Variants in CSMD1 observed in about 807,000 individuals in gnomAD.
The protein encoded by CSMD1 is CUB and Sushi multiple domains 1, also known as CUB and sushi domain-containing protein 1.
CSMD1 carries 213 observed loss-of-function variants against 417.5 expected under a neutral mutation model. That is an observed-to-expected ratio of 0.51 (90% CI 0.46 to 0.57). The LOEUF is 0.57. Ranked by LOEUF, CSMD1 falls within the 20% of genes least tolerant of loss-of-function variation. The pLI is 0.00. For synonymous variants in CSMD1, 2,862 were observed against 1,736.8 expected (o/e 1.65, Z -16.11); for missense variants, 6,923 against 4,529.7 (o/e 1.53, Z -15.17).
chr8:4,782,443 C>A (rs1480805736), intron 1 of CSMD1, among the ~76,000 whole-genome samples: 2 of 152,090 alleles, frequency 1.3e-5, no homozygotes, highest in African/African-American at 4.8e-5. Context: ...ATTTTCATTA[C>A]ATATAGAATT....
intron 3 of CSMD1, among the ~76,000 whole-genome samples, chr8:4,102,779 G>A (rs1388190480): frequency 2.6e-5 from 4 of 152,182 alleles, no homozygotes; most frequent in Non-Finnish European, 4.4e-5. Flanking sequence ...GACAACAAAA[G>A]GAAGATGATT....
At chr8:4,902,973 AC>A (rs1804983181) in intron 1 of CSMD1, among the ~76,000 whole-genome samples, 7 of 42,300 alleles carry the variant, frequency 1.7e-4, no homozygotes, top group South Asian at 9.6e-4. Flanking sequence ...TGAATACTAA[AC>A]TAAATAATAA....
At position 4,520,688 on chromosome 8, in the gene CSMD1, G is replaced by C. The variant is rs73660892; in HGVS notation, c.303-100623C>G. 2.7e-3 allele frequency among the ~76,000 whole-genome samples: 409 copies of C among 152,196 alleles called. 3 individuals are homozygous for C. Among genetic ancestry groups the C allele is most frequent in the African/African-American group, 9.4e-3 (391 of 41,538 alleles). The stretch of plus-strand genomic sequence containing the variant: ...TGAACAGACTTGTTCTGAAAGTCTT[G>C]TTTGTATGTGAAAGTCAGAATCCTG... On this transcript the variant is annotated intron_variant, in intron 2 of 69. Coordinates refer to ENST00000635120, the MANE Select transcript of CSMD1 (RefSeq NM_033225.6).
intron 7 of CSMD1, among the ~76,000 whole-genome samples, chr8:3,637,057 A>T (rs987685338): frequency 1.3e-5 from 2 of 152,182 alleles, no homozygotes; most frequent in Admixed American, 1.3e-4. Flanking sequence ...CCTCGCCAGA[A>T]TCAGGATCCT....
At chr8:4,283,997 C>T (rs1457090317) in intron 3 of CSMD1, among the ~76,000 whole-genome samples, 1 of 152,120 alleles carries the variant, frequency 6.6e-6, no homozygotes, top group Non-Finnish European at 1.5e-5. Flanking sequence ...CTTTGGGAGG[C>T]CGAGGAAGGT....
chr8:4,733,274 A>G (rs1219576095), intron 1 of CSMD1, among the ~76,000 whole-genome samples: 1 of 152,248 alleles, frequency 6.6e-6, no homozygotes, highest in Non-Finnish European at 1.5e-5. Context: ...AACAATATGC[A>G]GAAGGAAAAA....
At chr8:3,853,059 C>T (rs531130679) in intron 5 of CSMD1, among the ~76,000 whole-genome samples, 13 of 152,244 alleles carry the variant, frequency 8.5e-5, no homozygotes, top group Admixed American at 1.3e-4. Context: ...AGTCGAGCAA[C>T]CCACGTCACT....
At chr8:3,081,149 G>C (rs1036223020) in intron 49 of CSMD1, among the ~76,000 whole-genome samples, 1 of 152,192 alleles carries the variant, frequency 6.6e-6, no homozygotes, top group African/African-American at 2.4e-5. Context: ...GGTAGCTGGA[G>C]GGCCTAAAAG....
intron 2 of CSMD1, among the ~76,000 whole-genome samples, chr8:4,619,409 T>A (rs776063544): frequency 2.6e-4 from 39 of 152,292 alleles, no homozygotes; most frequent in Non-Finnish European, 4.1e-4. Flanking sequence ...CATGAAATAA[T>A]TAATTTAGTC....
intron 2 of CSMD1, among the ~76,000 whole-genome samples, chr8:4,461,845 A>G (rs1281112408): frequency 6.8e-6 from 1 of 148,008 alleles, no homozygotes; most frequent in Non-Finnish European, 1.5e-5. Flanking sequence ...GGTTCCCGCC[A>G]TTCTCCTGCC....
chr8:3,625,450 C>T (rs1051194676), intron 7 of CSMD1, among the ~76,000 whole-genome samples: 1 of 152,062 alleles, frequency 6.6e-6, no homozygotes, highest in Non-Finnish European at 1.5e-5. Flanking sequence ...CCACTACATA[C>T]CTTCATGTGC....
chr8:3,875,031 C>T lies in CSMD1; in HGVS notation c.819-120989G>A, dbSNP rs1176454473. Reference sequence around the variant, plus strand: ...AGAAGAATGGATGCAAGCACAAAGGCTGGCATGAGCTGGGGCGGCTGAAAG... The same window carrying T: ...AGAAGAATGGATGCAAGCACAAAGGTTGGCATGAGCTGGGGCGGCTGAAAG... On this transcript the variant is annotated intron_variant, in intron 5 of 69. Transcript: ENST00000635120. 3.9e-5 allele frequency among the ~76,000 whole-genome samples: 6 copies of T among 152,084 alleles called. No homozygotes were observed. The East Asian group carries it at 9.7e-4, about 25-fold the overall frequency.
chr8:4,157,025 G>C (rs1424723603), intron 3 of CSMD1, among the ~76,000 whole-genome samples: 1 of 152,142 alleles, frequency 6.6e-6, no homozygotes, highest in African/African-American at 2.4e-5. Flanking sequence ...CAGGCATTGA[G>C]GGGCATGTTA....
chr8:4,165,214 C>T (rs1042889298), intron 3 of CSMD1, among the ~76,000 whole-genome samples: 1 of 152,254 alleles, frequency 6.6e-6, no homozygotes, highest in Admixed American at 6.5e-5. Context: ...AGCTACACAC[C>T]CTCCAGGTGT....
intron 26 of CSMD1, among the ~76,000 whole-genome samples, chr8:3,234,896 A>G (rs1479948765): frequency 6.6e-6 from 1 of 152,236 alleles, no homozygotes; most frequent in Non-Finnish European, 1.5e-5. Flanking sequence ...TATAGAATCT[A>G]TGATCAACTG....
rs115127477 is a variant in CSMD1, at chr8:4,282,826, C to G, written c.415+137127G>C. On this transcript the variant is annotated intron_variant, in intron 3 of 69. Transcript: ENST00000635120. The stretch of plus-strand genomic sequence containing the variant: ...GGAGTCGGGTATATATCAGATTCAA[C>G]AAGCATCATTCAGAATCTGACAAAC... Among the ~76,000 whole-genome samples, 1,454 of 152,228 alleles carry G rather than the reference C, an allele frequency of 9.6e-3. 25 individuals carry two copies. The highest frequency in any genetic ancestry group is 0.033 in the African/African-American group (1,370 of 41,544).
At chr8:3,773,101 G>T (rs982920091) in intron 5 of CSMD1, among the ~76,000 whole-genome samples, 1 of 151,962 alleles carries the variant, frequency 6.6e-6, no homozygotes, top group African/African-American at 2.4e-5. Flanking sequence ...CACTCACGAG[G>T]GCTCTGTCCT....
At chr8:3,503,670 C>T (rs185684550) in intron 10 of CSMD1, among the ~76,000 whole-genome samples, 28 of 152,346 alleles carry the variant, frequency 1.8e-4, no homozygotes, top group Non-Finnish European at 3.5e-4. Context: ...GAATTAGTCT[C>T]AGCTCAAGAC....
chr8:4,982,526 G>C (rs1810952592), intron 1 of CSMD1, among the ~76,000 whole-genome samples: 2 of 152,184 alleles, frequency 1.3e-5, no homozygotes, highest in African/African-American at 4.8e-5. Context: ...CTCTTCTTCT[G>C]ATTTTGAAGC....
Sources: allele counts gnomAD v4.1 joint callset (sites outside exome capture counted in the v4.1 genomes callset), GRCh38; gene constraint gnomAD v4.1.1; transcripts MANE v1.5; gene names NCBI Gene and HGNC (gene_info 2026-07-23, HGNC 2026-07-21).